The following ZNF782 variants were observed in gnomAD, a reference collection of about 807,000 sequenced individuals.
ZNF782 encodes zinc finger protein 782.
In ZNF782, 12 loss-of-function variants were observed where a neutral mutation model predicts 13.0. The observed-to-expected ratio is 0.92, with a 90% confidence interval of 0.59 to 1.50. ZNF782 has a LOEUF of 1.50. Among genes scored for constraint, ZNF782 ranks in the 40% most tolerant of loss-of-function variants. ZNF782 has a pLI of 0.00. For missense variants in ZNF782, 770 were observed against 822.9 expected (o/e 0.94, Z 0.79); for synonymous variants, 284 against 283.0 (o/e 1.00, Z -0.04).
Position 96,838,417 on chromosome 9 carries a change from C to A in ZNF782, c.142+6473G>T, listed in dbSNP as rs541750896. ...CTGTTCAGGTCATTTATATCCTCAGCAATTTTCTGCCTGCTTGATCTACCA... is the reference window on the plus strand; with the variant it reads ...CTGTTCAGGTCATTTATATCCTCAGAAATTTTCTGCCTGCTTGATCTACCA... On this transcript the variant is annotated intron_variant, in intron 4 of 5. Coordinates refer to ENST00000481138, the MANE Select transcript of ZNF782 (RefSeq NM_001001662.3). Among the ~76,000 whole-genome samples, 5 of 152,276 alleles carry A rather than the reference C, an allele frequency of 3.3e-5. No homozygotes were observed. The South Asian group carries it at 1.0e-3, about 32-fold the overall frequency.
At chr9:96,912,679 C>T in the ZNF782 span, among the ~76,000 whole-genome samples, 123 of 151,616 alleles carry the variant, frequency 8.1e-4, no homozygotes, top group Middle Eastern at 3.4e-3. Context: ...CAGGCGTATG[C>T]CATCACGCCT....
chr9:96,829,744 A>C (rs1447565839), intron 4 of ZNF782, among the ~76,000 whole-genome samples: 1 of 152,200 alleles, frequency 6.6e-6, no homozygotes, highest in Non-Finnish European at 1.5e-5. Flanking sequence ...AAAAGGATTA[A>C]AAAATCTTGC....
intron 5 of ZNF782, among the ~76,000 whole-genome samples, chr9:96,822,856 A>G (rs889222973): frequency 6.6e-6 from 1 of 152,188 alleles, no homozygotes; most frequent in African/African-American, 2.4e-5. Context: ...AAAGATATAT[A>G]TTCCTTATTG....
At position 96,821,946 on chromosome 9, in the gene ZNF782, A is replaced by G. The variant is rs374997396; in HGVS notation, c.245-2168T>C. 3.2e-4 allele frequency among the ~76,000 whole-genome samples: 49 copies of G among 152,326 alleles called. No homozygotes were observed. The South Asian group carries it at 5.2e-3, about 16-fold the overall frequency. On this transcript the variant is annotated intron_variant, in intron 5 of 5. Coordinates refer to ENST00000481138, the MANE Select transcript of ZNF782 (RefSeq NM_001001662.3). ...TCCAAAGTGCTGGGATTACAGGCGT[A>G]AGCCACCGCGCCTGGCCAATAGTTC...
At chr9:96,912,419 G>A in the ZNF782 span, among the ~76,000 whole-genome samples, 2 of 141,152 alleles carry the variant, frequency 1.4e-5, no homozygotes, top group African/African-American at 2.6e-5. Context: ...CCAGCTACTC[G>A]GGAGGCGGAC....
rs55694737 is a variant in ZNF782, at chr9:96,817,254, G to C, written c.*669C>G. The C allele has an allele frequency of 3.3e-5, 5 of 152,324 alleles. No individual in the cohort carries two copies. Among genetic ancestry groups the C allele is most frequent in the African/African-American group, 1.2e-4 (5 of 41,540 alleles). The allele number at this position is 152,324 out of a possible 1,614,324, so 9.4% of individuals were successfully genotyped here. A position where few individuals can be genotyped will look rare whatever the true frequency, so the allele number is the denominator to read the frequency against. On this transcript the variant is annotated 3_prime_UTR_variant, in exon 6 of 6. Coordinates refer to ENST00000481138, the MANE Select transcript of ZNF782 (RefSeq NM_001001662.3). ...AGCTAGAGGGTAACAATATGACCCC[G>C]TTTAGATGAGAGAGTGGTTGAGAAA... is the stretch of plus-strand genomic sequence containing the variant.
At chr9:96,826,818 C>G (rs1850637389) in intron 5 of ZNF782, among the ~76,000 whole-genome samples, 1 of 152,170 alleles carries the variant, frequency 6.6e-6, no homozygotes, top group African/African-American at 2.4e-5. Flanking sequence ...AAACCCTGGG[C>G]ACCAGTTCTG....
Position 96,828,572 on chromosome 9 carries a change from G to C in ZNF782, c.143-1391C>G, listed in dbSNP as rs1302365412. Among the ~76,000 whole-genome samples the C allele has an allele frequency of 2.6e-5, 4 of 152,320 alleles. No homozygotes were observed. In the East Asian group the frequency reaches 7.7e-4, roughly 29 times the overall value. On this transcript the variant is annotated intron_variant, in intron 4 of 5. Coordinates refer to ENST00000481138, the MANE Select transcript of ZNF782 (RefSeq NM_001001662.3). ...CATATGGCCAGGCACAGTGACACCT[G>C]TAATCCCAGTTTTTTGGGAGGGTGG...
intron 5 of ZNF782, among the ~76,000 whole-genome samples, chr9:96,821,206 G>GT (rs1479027811): frequency 1.3e-5 from 2 of 152,154 alleles, no homozygotes. Flanking sequence ...GGAAAAGAAG[G>GT]TTTTACACTA....
the ZNF782 span, among the ~76,000 whole-genome samples, chr9:96,911,122 T>C: frequency 1.4e-5 from 2 of 146,712 alleles, no homozygotes; most frequent in Non-Finnish European, 3.0e-5. Flanking sequence ...CATTATAATC[T>C]CAAAGGAGGA....
At chr9:96,901,594 G>GT in the ZNF782 span, among the ~76,000 whole-genome samples, 1 of 151,956 alleles carries the variant, frequency 6.6e-6, no homozygotes, top group Admixed American at 6.6e-5. Flanking sequence ...TTTATGGAAG[G>GT]TTTTTTAAGG....
the ZNF782 span, among the ~76,000 whole-genome samples, chr9:96,881,677 C>A: frequency 6.6e-6 from 1 of 152,110 alleles, no homozygotes; most frequent in East Asian, 1.9e-4. Flanking sequence ...ACTATCCTTC[C>A]CTTGCTGAGG....
In ZNF782 at chr9:96,819,018, A is replaced by G. The variant is rs1438944615; in HGVS notation, c.1005T>C (p.Asp335=). The change falls in exon 6 of 6, where the codon GAT becomes GAC. Residue 335 remains aspartate, a synonymous_variant. Transcript: ENST00000481138. ...TACATGGGTGATAATCAGAGTATTTATCTGTTGCATGAGTTCTCTGATGCA... is the reference window on the plus strand; with the variant it reads ...TACATGGGTGATAATCAGAGTATTTGTCTGTTGCATGAGTTCTCTGATGCA... ...LPVHQRTHAT[D]KYSDYHPCTE... The G allele has an allele frequency of 6.2e-7, 1 of 1,614,032 alleles. No homozygotes were observed. Among genetic ancestry groups the G allele is most frequent in the African/African-American group, 1.3e-5 (1 of 74,926 alleles).
chr9:96,838,762 C>T (rs1193768756), intron 4 of ZNF782, among the ~76,000 whole-genome samples: 1 of 149,084 alleles, frequency 6.7e-6, no homozygotes, highest in Non-Finnish European at 1.5e-5. Flanking sequence ...GTTGCCCAGG[C>T]TGGAGTGCAG....
chr9:96,884,377 G>A, the ZNF782 span, among the ~76,000 whole-genome samples: 1 of 152,212 alleles, frequency 6.6e-6, no homozygotes, highest in East Asian at 1.9e-4. Context: ...ATTGGGTGCT[G>A]ACCCTTCACC....
the ZNF782 span, chr9:96,918,618 CG>C: frequency 6.6e-6 from 1 of 151,674 alleles, no homozygotes; most frequent in African/African-American, 2.4e-5. Flanking sequence ...TTTTAAATTG[CG>C]GGGGTGGTCA....
chr9:96,896,618 C>T, the ZNF782 span, among the ~76,000 whole-genome samples: 1 of 152,094 alleles, frequency 6.6e-6, no homozygotes, highest in East Asian at 1.9e-4. Flanking sequence ...ACCATTAGGC[C>T]CTCTTTGGAT....
intron 5 of ZNF782, among the ~76,000 whole-genome samples, chr9:96,820,710 C>T (rs895419252): frequency 6.6e-5 from 10 of 151,936 alleles, no homozygotes; most frequent in East Asian, 3.9e-4. Context: ...CCACCATGCC[C>T]GGCTAATTTT....
chr9:96,887,335 AAGG>A, the ZNF782 span: 6 of 137,616 alleles, frequency 4.4e-5, no homozygotes, highest in African/African-American at 8.6e-5. Flanking sequence ...GGAAGGAAGG[AAGG>A]AAGAAAGAAA....
Sources: allele counts gnomAD v4.1 joint callset (sites outside exome capture counted in the v4.1 genomes callset), GRCh38; gene constraint gnomAD v4.1.1; transcripts MANE v1.5; gene names NCBI Gene and HGNC (gene_info 2026-07-23, HGNC 2026-07-21).